The following NGLY1 variants were observed in gnomAD, a reference collection of about 807,000 sequenced individuals.
NGLY1 encodes the protein peptide-N(4)-(N-acetyl-beta-glucosaminyl)asparagine amidase.
A neutral mutation model predicts 84.6 loss-of-function variants in NGLY1; 68 were observed. The observed-to-expected ratio is 0.80, with a 90% CI of 0.66 to 0.98. NGLY1 has a LOEUF of 0.98. Ranked by LOEUF, NGLY1 falls within the 50% of genes least tolerant of loss-of-function variation. The probability of loss-of-function intolerance (pLI) is 0.00; values close to 1 mark genes in which losing one functional copy is unlikely to be tolerated. For missense variants in NGLY1, 779 were observed against 770.2 expected (o/e 1.01, Z -0.14); for synonymous variants, 280 against 275.2 (o/e 1.02, Z -0.17).
chr3:25,733,820 G>C (rs1705676470), intron 8 of NGLY1, 52 bp downstream of exon 8: 1 of 1,256,066 alleles, frequency 8.0e-7, no homozygotes, highest in Non-Finnish European at 1.1e-6. Context: ...GGCTATTCTC[G>C]ATTACATAAA....
intron 3 of NGLY1, among the ~76,000 whole-genome samples, chr3:25,758,401 C>T (rs1210060082): frequency 6.6e-6 from 1 of 151,890 alleles, no homozygotes; most frequent in Non-Finnish European, 1.5e-5. Context: ...CATGGCAAGA[C>T]CCTCATCTCT....
intron 2 of NGLY1, among the ~76,000 whole-genome samples, chr3:25,773,251 C>T (rs1707984596): frequency 6.6e-6 from 1 of 152,136 alleles, no homozygotes; most frequent in Non-Finnish European, 1.5e-5. Context: ...TATTTTCTTC[C>T]TCTGGAACAC....
chr3:25,746,230 T>G (rs1392169405), intron 4 of NGLY1, among the ~76,000 whole-genome samples: 1 of 152,156 alleles, frequency 6.6e-6, no homozygotes, highest in Non-Finnish European at 1.5e-5. Context: ...ATCACTACAC[T>G]TGGAAGAAAA....
rs60136048 is a variant in NGLY1, at chr3:25,757,619, T to C, written c.493-6356A>G. ...TTGGCAACATGGAAATCACTGACCA[T>C]AGTAAGAATACAGTCTAATGATAGC... On this transcript the variant is annotated intron_variant, in intron 3 of 11. Transcript: ENST00000280700. Among the ~76,000 whole-genome samples the C allele has an allele frequency of 8.8e-3, 1,334 of 152,272 alleles. 19 individuals are homozygous for C. Among genetic ancestry groups the C allele is most frequent in the African/African-American group, 0.03 (1,227 of 41,554 alleles).
Position 25,720,069 on chromosome 3 carries a change from A to C in NGLY1, c.1734T>G (p.Thr578=). 6.2e-7 allele frequency: 1 copy of C among 1,613,892 alleles called. No homozygotes were observed. The highest frequency in any genetic ancestry group is 8.5e-7 in the Non-Finnish European group (1 of 1,179,854). ...ATCGCAATTTCCATTCTACTGTTCC[A>C]GTCTGAAAAGTTTGACTACTTGTTC... ...SIRTSSQTFQ[T]GTVEWKLRSD... Residue 578 remains threonine, a synonymous_variant, in exon 11 of 12, where the codon ACT becomes ACG. Coordinates refer to ENST00000280700, the MANE Select transcript of NGLY1 (RefSeq NM_018297.4).
chr3:25,758,333 T>A (rs965498663), intron 3 of NGLY1, among the ~76,000 whole-genome samples: 4 of 152,162 alleles, frequency 2.6e-5, no homozygotes, highest in African/African-American at 9.6e-5. Context: ...CCTAGCACTT[T>A]TGGCAGCTGA....
At position 25,765,373 on chromosome 3, in the gene NGLY1, T is replaced by C. The variant is rs566693088; in HGVS notation, c.247-1062A>G. Among the ~76,000 whole-genome samples, 39 of 151,668 alleles carry C rather than the reference T, an allele frequency of 2.6e-4. 1 individual carries two copies. In the South Asian group the frequency reaches 7.7e-3, roughly 30 times the overall value. On this transcript the variant is annotated intron_variant, in intron 2 of 11. Transcript: ENST00000280700. ...TACTTGGGAGGCTGAGGCAGGAGAA[T>C]TGCTTGAACCTGGGAGGCAGAGGTG...
chr3:25,733,873 T>TGCTTATTAA lies in NGLY1; in HGVS notation c.1250_1258dup (p.Leu417_Lys419dup), dbSNP rs1705681776. 5 of 1,609,410 alleles carry TGCTTATTAA rather than the reference T, an allele frequency of 3.1e-6. No homozygotes were observed. The highest frequency in any genetic ancestry group is 4.2e-6 in the Non-Finnish European group (5 of 1,176,944). ...TCAAAAAAGATAGCCACACCATACCTGCTTATTAAGCCCATTAATAGTGTC... is the reference window on the plus strand; with the variant it reads ...TCAAAAAAGATAGCCACACCATACCTGCTTATTAAGCTTATTAAGCCCATTAATAGTGTC... On this transcript the variant is annotated inframe_insertion and splice_region_variant, in exon 8 of 12. Coordinates refer to ENST00000280700, the MANE Select transcript of NGLY1 (RefSeq NM_018297.4).
chr3:25,719,671 T>C (rs750434235), intron 11 of NGLY1, 36 bp from the exon 12 acceptor site: 20 of 1,570,624 alleles, frequency 1.3e-5, no homozygotes, highest in Middle Eastern at 1.7e-4. Context: ...CATTTTGCTT[T>C]TGGTAATTTA....
intron 7 of NGLY1, chr3:25,734,203 C>T: frequency 2.2e-6 from 1 of 448,400 alleles, no homozygotes; most frequent in Non-Finnish European, 3.9e-6. Flanking sequence ...GTAGCTGGGA[C>T]TATAGGCATG....
intron 9 of NGLY1, among the ~76,000 whole-genome samples, chr3:25,731,634 C>T (rs564189127): frequency 5.7e-4 from 86 of 152,140 alleles, no homozygotes; most frequent in African/African-American, 1.9e-3. Context: ...TCACTGAAAA[C>T]GTGAATATAA....
chr3:25,725,924 CAT>C lies in NGLY1; in HGVS notation c.1611+3207_1611+3208del, dbSNP rs1420837884. Among the ~76,000 whole-genome samples the C allele has an allele frequency of 8.5e-5, 13 of 152,324 alleles. No homozygotes were observed. In the South Asian group the frequency reaches 1.9e-3, roughly 22 times the overall value. The stretch of plus-strand genomic sequence containing the variant: ...CCCATTAATCTAAACAGTTGACCCA[CAT>C]GTCTTTCACTTTACCAGCTGATACG... On this transcript the variant is annotated intron_variant, in intron 10 of 11. Transcript: ENST00000280700.
intron 4 of NGLY1, among the ~76,000 whole-genome samples, chr3:25,744,398 A>G (rs561553925): frequency 6.6e-6 from 1 of 152,338 alleles, no homozygotes; most frequent in South Asian, 2.1e-4. Flanking sequence ...CAGTGCCACA[A>G]GGTCCCCATT....
intron 4 of NGLY1, chr3:25,749,934 T>G: frequency 1.9e-6 from 1 of 526,266 alleles, no homozygotes; most frequent in South Asian, 2.6e-5. Flanking sequence ...AATAAAACTG[T>G]AAAAACTGCC....
chr3:25,731,828 A>G (rs1486671153), intron 9 of NGLY1, among the ~76,000 whole-genome samples: 3 of 152,152 alleles, frequency 2.0e-5, no homozygotes, highest in Non-Finnish European at 4.4e-5. Context: ...AGTACATGCT[A>G]TATGATTCCA....
rs1396619621 is a variant in NGLY1, at chr3:25,732,265, T to C, written c.1425+54A>G. The C allele has an allele frequency of 2.6e-5, 40 of 1,536,448 alleles. No individual in the cohort carries two copies. In the East Asian group the frequency reaches 5.0e-4, roughly 19 times the overall value. Reference sequence around the variant, plus strand: ...GTTGGAGGATAGTATAGGAAGAGCATAGTATATGAAGCAGGAAAGTAAAAG... The same window carrying C: ...GTTGGAGGATAGTATAGGAAGAGCACAGTATATGAAGCAGGAAAGTAAAAG... On this transcript the variant is annotated intron_variant, in intron 9 of 11. Coordinates refer to ENST00000280700, the MANE Select transcript of NGLY1 (RefSeq NM_018297.4).
At position 25,774,477 on chromosome 3, in the gene NGLY1, C is replaced by T. The variant is rs532945893; in HGVS notation, c.246+4097G>A. Among the ~76,000 whole-genome samples the T allele has an allele frequency of 3.2e-4, 48 of 152,150 alleles. 1 individual carries two copies. The South Asian group carries it at 8.7e-3, about 28-fold the overall frequency. ...GTTGGGCTTGTTGTGGCCACTGTGG[C>T]GGATGGGGGTGTGGTTCTCAGGCCA... On this transcript the variant is annotated intron_variant, in intron 2 of 11. Coordinates refer to ENST00000280700, the MANE Select transcript of NGLY1 (RefSeq NM_018297.4).
intron 2 of NGLY1, among the ~76,000 whole-genome samples, chr3:25,773,689 C>T (rs1365487238): frequency 6.6e-6 from 1 of 152,026 alleles, no homozygotes; most frequent in East Asian, 1.9e-4. Context: ...TTAAAGAACC[C>T]TGTTTTGTCA....
At chr3:25,780,179 T>C (rs920415374) in intron 1 of NGLY1, among the ~76,000 whole-genome samples, 1 of 152,184 alleles carries the variant, frequency 6.6e-6, no homozygotes, top group Non-Finnish European at 1.5e-5. Context: ...TCTCAACTCT[T>C]TATTCTGTGT....
Sources: gnomAD v4.1 joint callset for allele counts (sites outside exome capture counted in the v4.1 genomes callset) on GRCh38, gnomAD v4.1.1 for gene constraint, MANE v1.5 for transcripts, NCBI Gene and HGNC (gene_info 2026-07-23, HGNC 2026-07-21) for gene names.